The following KIF12 variants were observed in gnomAD, a reference collection of about 807,000 sequenced individuals.
The protein encoded by KIF12 is kinesin-like protein KIF12.
A neutral mutation model predicts 87.9 loss-of-function variants in KIF12; 80 were observed. The ratio of observed to expected loss-of-function variants is 0.91; its 90% CI spans 0.76 to 1.10. The LOEUF is 1.10. Ranked by LOEUF, KIF12 falls within the 50% of genes least tolerant of loss-of-function variation. The pLI, the probability that KIF12 is intolerant of heterozygous loss-of-function variation, is 0.00. For synonymous variants in KIF12, 353 were observed against 348.5 expected, an observed-to-expected ratio of 1.01 and a Z score of -0.14; for missense variants, 819 against 865.3, an observed-to-expected ratio of 0.95 and a Z score of 0.67.
chr9:114,096,312 G>C (rs1416530297), intron 8 of KIF12, 75 bp downstream of exon 8: 2 of 1,595,740 alleles, frequency 1.3e-6, no homozygotes, highest in African/African-American at 2.7e-5. Flanking sequence ...GCACACCCAA[G>C]TTGGTTTATA....
chr9:114,098,160 C>T lies in KIF12; in HGVS notation c.330G>A (p.Gln110=). ...GGGTGTAGGTCTTCCCAGAGCCCGT[C>T]TGGCCAAAGGTGAAAACAGTGCAGG... ...GFSCTVFTFG[Q]TGSGKTYTLT... is the part of the protein sequence containing the mutation. Residue 110 remains glutamine (Q), a synonymous_variant, in exon 5 of 19, where the codon CAG becomes CAA. Transcript: ENST00000640217. 7 of 1,548,506 alleles carry T rather than the reference C, an allele frequency of 4.5e-6. No homozygotes were observed. The highest frequency in any genetic ancestry group is 6.1e-6 in the Non-Finnish European group (7 of 1,146,384).
intron 5 of KIF12, 70 bp downstream of exon 5, chr9:114,098,045 G>A (rs1280189744): frequency 1.4e-6 from 2 of 1,428,572 alleles, no homozygotes; most frequent in Non-Finnish European, 9.4e-7. Flanking sequence ...AGTCTGCGCC[G>A]CCTGCGGCTC....
In KIF12 at chr9:114,093,912, C is replaced by A. The variant is rs1215944712; in HGVS notation, c.1374G>T (p.Leu458=). The A allele has an allele frequency of 8.1e-6, 13 of 1,614,008 alleles. No individual in the cohort carries two copies. The highest frequency in any genetic ancestry group is 1.7e-5 in the Admixed American group (1 of 59,996). The change falls in exon 14 of 19, where the codon CTG becomes CTT. Residue 458 remains leucine, a synonymous_variant. Coordinates refer to ENST00000640217, the MANE Select transcript of KIF12 (RefSeq NM_001388308.1). ...RDLAQNEQRI[L]AQQVHALERR... is the part of the protein sequence containing the mutation. ...TCTCTAGTGCATGGACCTGCTGGGC[C>A]AGGATGCGCTGCTCATTCTGGGCCA... is the stretch of plus-strand genomic sequence containing the variant.
rs771610677 is a variant in KIF12, at chr9:114,096,408, G to C, written c.717C>G (p.Thr239=). The C allele has an allele frequency of 6.2e-7, 1 of 1,613,238 alleles. No individual in the cohort carries two copies. Among genetic ancestry groups the C allele is most frequent in the East Asian group, 2.2e-5 (1 of 44,862 alleles). Residue 239 remains threonine (T), a synonymous_variant, in exon 8 of 19, where the codon ACC becomes ACG. Transcript: ENST00000640217. ...QASSRSHALL[T]LYISRQTAQQ... is the part of the protein sequence containing the mutation. ...TCACAGTTTGACGGCTGATGTAAAG[G>C]GTGAGCAGGGCATGGCTTCGGCTGG...
rs772255782 is a variant in KIF12, at chr9:114,094,461, G to A, written c.1120-6C>T. On this transcript the variant is annotated splice_region_variant and splice_polypyrimidine_tract_variant and intron_variant, in intron 11 of 18. Transcript: ENST00000640217. ...GGCTGCTTTGCCACAGGAGACTGTA[G>A]GGAAAGAGGCCCAGAGCCACCTTTA... The A allele has an allele frequency of 1.2e-5, 19 of 1,586,072 alleles. No homozygotes were observed. The highest frequency in any genetic ancestry group is 1.3e-5 in the Non-Finnish European group (15 of 1,156,576).
chr9:114,092,114 T>TGGCCCCCCCCCCC, intron 18 of KIF12, 114 bp from the exon 19 acceptor site: 1 of 1,389,292 alleles, frequency 7.2e-7, no homozygotes, highest in Non-Finnish European at 9.5e-7. Flanking sequence ...CCTCCACCCT[T>TGGCCCCCCCCCCC]CCCCCCACCC....
chr9:114,092,798 G>A, intron 16 of KIF12, 156 bp from the exon 17 acceptor site: 1 of 1,463,158 alleles, frequency 6.8e-7, no homozygotes, highest in Non-Finnish European at 9.0e-7. Context: ...GTCGCCTTCT[G>A]TGTGCAGCAG....
intron 18 of KIF12, 129 bp from the exon 19 acceptor site, chr9:114,092,129 C>G: frequency 6.9e-7 from 1 of 1,444,710 alleles, no homozygotes. Context: ...CCACCCCACC[C>G]CCATACACCA....
intron 9 of KIF12, 128 bp downstream of exon 9, chr9:114,095,923 T>C: frequency 1.9e-6 from 2 of 1,061,552 alleles, no homozygotes; most frequent in Admixed American, 2.4e-5. Flanking sequence ...GGGCCTTTGG[T>C]TCCTGGATCG....
At chr9:114,095,153 C>T (rs780956139) in intron 10 of KIF12, 26 bp from the exon 11 acceptor site, 9 of 1,608,176 alleles carry the variant, frequency 5.6e-6, no homozygotes, top group Non-Finnish European at 7.6e-6. Context: ...CCCCTGAGCG[C>T]TCCTCTCTGA....
At chr9:114,096,338 C>T (rs1200608868) in intron 8 of KIF12, 49 bp downstream of exon 8, 5 of 1,598,038 alleles carry the variant, frequency 3.1e-6, no homozygotes, top group Admixed American at 1.7e-5. Context: ...AGATACAGAC[C>T]CTTGCTTGGT....
chr9:114,093,937 A>G lies in KIF12; in HGVS notation c.1349T>C (p.Leu450Pro). 1 of 1,614,078 alleles carries G rather than the reference A, an allele frequency of 6.2e-7. No homozygotes were observed. ...CAGGATGCGCTGCTCATTCTGGGCCAGGTCTCGGCTATTCTGCAGCTGGCT... is the reference window on the plus strand; with the variant it reads ...CAGGATGCGCTGCTCATTCTGGGCCGGGTCTCGGCTATTCTGCAGCTGGCT... ...EKSQLQNSRDLAQNEQRILAQ... is the reference protein window; with the variant it reads ...EKSQLQNSRDPAQNEQRILAQ... Residue 450 changes from leucine to proline, a missense_variant, in exon 14 of 19, where the codon CTG becomes CCG. Leu to Pro is a moderately conservative substitution (Grantham distance 98). Transcript: ENST00000640217.
At chr9:114,092,514 T>C in intron 17 of KIF12, 28 bp downstream of exon 17, 1 of 1,613,322 alleles carries the variant, frequency 6.2e-7, no homozygotes, top group Non-Finnish European at 8.5e-7. Flanking sequence ...CACCCCTCTC[T>C]GACCTCAGTG....
intron 18 of KIF12, 117 bp from the exon 19 acceptor site, chr9:114,092,117 C>A (rs776108521): frequency 4.2e-6 from 6 of 1,423,374 alleles, no homozygotes; most frequent in South Asian, 1.5e-5. Context: ...CCACCCTTCC[C>A]CCCACCCCAC....
intron 13 of KIF12, 92 bp downstream of exon 13, chr9:114,094,089 G>T: frequency 6.9e-7 from 1 of 1,457,422 alleles, no homozygotes; most frequent in Non-Finnish European, 9.6e-7. Context: ...ACATAAGGGA[G>T]CCAGGGGCAG....
chr9:114,098,150 C>G lies in KIF12; in HGVS notation c.340G>C (p.Gly114Arg). The G allele has an allele frequency of 6.5e-7, 1 of 1,548,388 alleles. No individual in the cohort carries two copies. The highest frequency in any genetic ancestry group is 8.7e-7 in the Non-Finnish European group (1 of 1,146,382). ...GGTCCAGTCAGGGTGTAGGTCTTCC[C>G]AGAGCCCGTCTGGCCAAAGGTGAAA... The part of the protein sequence containing the change: ...TVFTFGQTGS[G>R]KTYTLTGPPP... Residue 114 changes from glycine to arginine, a missense_variant, in exon 5 of 19, where the codon GGG (glycine) becomes CGG (arginine). Gly to Arg is a moderately radical substitution (Grantham distance 125). Coordinates refer to ENST00000640217, the MANE Select transcript of KIF12 (RefSeq NM_001388308.1).
intron 11 of KIF12, 138 bp downstream of exon 11, chr9:114,094,885 T>C (rs7853169): frequency 0.7 from 520,214 of 742,356 alleles, 183,968 homozygotes; most frequent in African/African-American, 0.84. Context: ...ACAACCATGA[T>C]ACCGATTCCA....
In KIF12 at chr9:114,094,265, C is replaced by T. The variant is rs768651392; in HGVS notation, c.1229G>A (p.Gly410Glu). ...QLDQMDCKAS[G>E]LSGARVAWAQ... Reference sequence around the variant, plus strand: ...CCAGGCCACCCGGGCTCCACTGAGCCCTGAGGCTGCAGGGAAGCAGGAGGT... The same window carrying T: ...CCAGGCCACCCGGGCTCCACTGAGCTCTGAGGCTGCAGGGAAGCAGGAGGT... The change falls in exon 13 of 19, where the codon GGG (glycine) becomes GAG (glutamate). Residue 410 changes from glycine to glutamate, a missense_variant. By Grantham distance (98) the Gly-to-Glu change is moderately conservative (BLOSUM62 -2). Coordinates refer to ENST00000640217, the MANE Select transcript of KIF12 (RefSeq NM_001388308.1). 104 of 1,613,954 alleles carry T rather than the reference C, an allele frequency of 6.4e-5. No homozygotes were observed. In the South Asian group the frequency reaches 1.1e-3, roughly 17 times the overall value.
intron 3 of KIF12, 137 bp from the exon 4 acceptor site, chr9:114,098,566 A>AGG (rs1847344103): frequency 2.7e-6 from 1 of 374,176 alleles, no homozygotes. Context: ...CACCCTGGAG[A>AGG]AGGGTAGGGC....
Sources: allele counts gnomAD v4.1 joint callset, GRCh38; gene constraint gnomAD v4.1.1; transcripts MANE v1.5; gene names NCBI Gene and HGNC (gene_info 2026-07-23, HGNC 2026-07-21).